Variants in ERMP1 observed in about 807,000 individuals in gnomAD.
ERMP1 encodes Felix-ina.
In ERMP1, 86 loss-of-function variants were observed where a neutral mutation model predicts 92.0. That is an observed-to-expected ratio of 0.93 (90% CI 0.79 to 1.12). ERMP1 has a LOEUF of 1.12. ERMP1 is among the 50% of genes most tolerant of loss of function. The pLI is 0.00. For missense variants in ERMP1, 1,342 were observed against 1,116.3 expected (o/e 1.20, Z -2.88); for synonymous variants, 530 against 412.8 (o/e 1.28, Z -3.44).
At chr9:5,834,835 G>A (rs868073515), upstream of ERMP1, among the ~76,000 whole-genome samples, 4 of 150,070 alleles carry the variant, frequency 2.7e-5, no homozygotes, top group South Asian at 2.1e-4. Flanking sequence ...CCTGGATCTG[G>A]TACCTTTAGT....
chr9:5,833,500 C>G (rs556322067), upstream of ERMP1, among the ~76,000 whole-genome samples: 1 of 152,138 alleles, frequency 6.6e-6, no homozygotes, highest in East Asian at 1.9e-4. Context: ...AGAGGAGGCC[C>G]GGCCTATTGC....
chr9:5,865,310 T>C (rs1334042530), intron 5 of ERMP1, among the ~76,000 whole-genome samples: 1 of 150,034 alleles, frequency 6.7e-6, no homozygotes, highest in South Asian at 2.1e-4. Flanking sequence ...ATAGAGACCA[T>C]CCTGGATTAA....
chr9:5,801,098 C>T (rs1828653535), intron 11 of ERMP1, 78 bp downstream of exon 11: 42 of 1,460,078 alleles, frequency 2.9e-5, no homozygotes, highest in Non-Finnish European at 3.7e-5. Context: ...GTCAGCTGCG[C>T]TTGCTATTCA....
At chr9:5,827,837 G>C (rs969874184) in intron 2 of ERMP1, among the ~76,000 whole-genome samples, 1 of 151,142 alleles carries the variant, frequency 6.6e-6, no homozygotes, top group Admixed American at 6.6e-5. Context: ...AATTCGCAAG[G>C]CATGGTGGTG....
intron 13 of ERMP1, among the ~76,000 whole-genome samples, chr9:5,791,694 T>G (rs1352091075): frequency 6.6e-6 from 1 of 152,210 alleles, no homozygotes; most frequent in Non-Finnish European, 1.5e-5. Context: ...CCTCCTCCTT[T>G]CTCAAGCATC....
At chr9:5,833,120 T>G (rs1459522019), upstream of ERMP1, 15 of 1,171,372 alleles carry the variant, frequency 1.3e-5, no homozygotes, top group South Asian at 1.8e-5. Flanking sequence ...CGCCTCCTAG[T>G]GAGCGGACGG....
chr9:5,817,343 C>T (rs1299875720), intron 4 of ERMP1, among the ~76,000 whole-genome samples: 4 of 152,078 alleles, frequency 2.6e-5, no homozygotes, highest in African/African-American at 9.7e-5. Context: ...GCGCCCGCCA[C>T]CATGCCTGGC....
chr9:5,826,171 A>G (rs1435295419), intron 2 of ERMP1, among the ~76,000 whole-genome samples: 1 of 152,220 alleles, frequency 6.6e-6, no homozygotes, highest in Admixed American at 6.5e-5. Context: ...GGAGATAAGT[A>G]CACTGGGGTT....
At chr9:5,796,109 C>T (rs1271605167) in intron 13 of ERMP1, among the ~76,000 whole-genome samples, 2 of 152,058 alleles carry the variant, frequency 1.3e-5, no homozygotes, top group African/African-American at 4.8e-5. Context: ...TAGGAAAAGC[C>T]ATTATTGTTA....
intron 5 of ERMP1, among the ~76,000 whole-genome samples, chr9:5,864,536 G>C (rs992039595): frequency 6.6e-6 from 1 of 152,210 alleles, no homozygotes; most frequent in Non-Finnish European, 1.5e-5. Context: ...GGGGGCGAGC[G>C]GGTATTTGAC....
chr9:5,830,163 C>G (rs1829885170), intron 2 of ERMP1, among the ~76,000 whole-genome samples: 1 of 152,280 alleles, frequency 6.6e-6, no homozygotes, highest in East Asian at 1.9e-4. Context: ...CAGCCCAATA[C>G]AAATTTGTAA....
intron 2 of ERMP1, among the ~76,000 whole-genome samples, 156 bp downstream of exon 2, chr9:5,830,571 C>T (rs971740090): frequency 1.3e-5 from 2 of 152,140 alleles, no homozygotes; most frequent in African/African-American, 2.4e-5. Context: ...AGATCCTAAA[C>T]TAAATGATAC....
intron 13 of ERMP1, among the ~76,000 whole-genome samples, chr9:5,788,927 T>G (rs1190953832): frequency 6.6e-6 from 1 of 151,878 alleles, no homozygotes; most frequent in Non-Finnish European, 1.5e-5. Flanking sequence ...ACAGAATAGA[T>G]TCAAAGGAAA....
intron 4 of ERMP1, among the ~76,000 whole-genome samples, chr9:5,817,420 C>G (rs987721403): frequency 6.6e-6 from 1 of 151,780 alleles, no homozygotes; most frequent in Non-Finnish European, 1.5e-5. Flanking sequence ...GAACTCCTGA[C>G]CTCAGGTGAT....
chr9:5,807,029 A>C (rs540109724), intron 8 of ERMP1, among the ~76,000 whole-genome samples: 3 of 152,268 alleles, frequency 2.0e-5, no homozygotes, highest in African/African-American at 7.2e-5. Flanking sequence ...AAATAAGAAA[A>C]TTATTATTAT....
rs1401482064 is a variant in ERMP1, at chr9:5,787,562, G to A, written c.2418C>T (p.Ala806=). ...GPSHMSFYVR[A]HKGSTLSQWS... ...ACTGAGAAAGTGTTGACCCTTTGTG[G>A]GCTCGAACATAGAAGGACATATGGC... Residue 806 remains alanine, a synonymous_variant, in exon 14 of 15, where the codon GCC becomes GCT. Coordinates refer to ENST00000339450, the MANE Select transcript of ERMP1 (RefSeq NM_024896.3). 6 of 1,613,736 alleles carry A rather than the reference G, an allele frequency of 3.7e-6. No individual in the cohort carries two copies. The highest frequency in any genetic ancestry group is 5.1e-6 in the Non-Finnish European group (6 of 1,179,902).
At chr9:5,823,798 A>G in intron 4 of ERMP1, 98 bp downstream of exon 4, 2 of 837,550 alleles carry the variant, frequency 2.4e-6, no homozygotes, top group South Asian at 3.3e-5. Flanking sequence ...TGCTCATTCA[A>G]GAGACTGTTT....
intron 6 of ERMP1, among the ~76,000 whole-genome samples, chr9:5,847,325 G>A (rs1048074872): frequency 3.0e-4 from 46 of 152,042 alleles, no homozygotes; most frequent in Admixed American, 1.0e-3. Flanking sequence ...CTGCTCCTCT[G>A]CCTCCTGGGC....
intron 6 of ERMP1, among the ~76,000 whole-genome samples, chr9:5,841,236 T>G (rs541666716): frequency 2.0e-4 from 30 of 152,288 alleles, no homozygotes; most frequent in African/African-American, 7.0e-4. Context: ...TTTTAAAAAA[T>G]TATAAAAACT....
Sources: gnomAD v4.1 joint callset for allele counts (sites outside exome capture counted in the v4.1 genomes callset) on GRCh38, gnomAD v4.1.1 for gene constraint, MANE v1.5 for transcripts, NCBI Gene and HGNC (gene_info 2026-07-23, HGNC 2026-07-21) for gene names.